The following AP5B1 variants were observed in gnomAD, a reference collection of about 807,000 sequenced individuals.
AP5B1 encodes AP-5 complex subunit beta-1.
In AP5B1, 3 loss-of-function variants were observed where a neutral mutation model predicts 5.7. That is an observed-to-expected ratio of 0.53 (90% CI 0.24 to 1.36). AP5B1 has a LOEUF of 1.36. Ranked by LOEUF, AP5B1 falls within the 40% of genes most tolerant of loss-of-function variation. The pLI, the probability that AP5B1 is intolerant of heterozygous loss-of-function variation, is 0.17. For missense variants in AP5B1, 1,310 were observed against 1,143.2 expected (o/e 1.15, Z -2.10); for synonymous variants, 696 against 555.5 (o/e 1.25, Z -3.56).
In AP5B1 at chr11:65,779,916, A is replaced by C. The variant is rs1346016417; in HGVS notation, c.577T>G (p.Leu193Val). 1.9e-6 allele frequency: 3 copies of C among 1,591,116 alleles called. No homozygotes were observed. Among genetic ancestry groups the C allele is most frequent in the Non-Finnish European group, 2.6e-6 (3 of 1,168,806 alleles). ...GACTGGAGCACCAAGGTGTTGCGCA[A>C]AGCGAGGGCCAGCAACAGGCTGAGT... Reference protein sequence around the residue: ...QPLSLLLALALRNTLVLQSRV... With the variant: ...QPLSLLLALAVRNTLVLQSRV... Residue 193 changes from leucine (L) to valine (V), a missense_variant, in exon 2 of 2, where the codon TTG becomes GTG. By Grantham distance (32) the Leu-to-Val change is conservative. Coordinates refer to ENST00000532090, the MANE Select transcript of AP5B1 (RefSeq NM_138368.5).
Position 65,779,601 on chromosome 11 carries a change from G to A in AP5B1, c.892C>T (p.Arg298Trp). 7 of 1,605,872 alleles carry A rather than the reference G, an allele frequency of 4.4e-6. No individual in the cohort carries two copies. The highest frequency in any genetic ancestry group is 5.9e-6 in the Non-Finnish European group (7 of 1,176,680). Residue 298 changes from arginine to tryptophan, a missense_variant, in exon 2 of 2, where the codon CGG becomes TGG. Arg to Trp is a moderately radical substitution (Grantham distance 101, BLOSUM62 -3). Transcript: ENST00000532090. The stretch of plus-strand genomic sequence containing the variant: ...GCCGGTGGCTGTCCCTGCAGACCCC[G>A]CAGGGCCCAGCCCAGCAGCCACAGG... ...QLLWLLGWAL[R>W]GLQGQPPALF...
chr11:65,778,891 A>G lies in AP5B1; in HGVS notation c.1602T>C (p.Asp534=). 1 of 1,611,206 alleles carries G rather than the reference A, an allele frequency of 6.2e-7. No individual in the cohort carries two copies. The highest frequency in any genetic ancestry group is 8.5e-7 in the Non-Finnish European group (1 of 1,178,880). The part of the protein sequence containing the change: ...RQVVVSRPGR[D]EALCWHLQML... The stretch of plus-strand genomic sequence containing the variant: ...TTTGCAGGTGCCAGCAAAGAGCTTC[A>G]TCCCTGCCCGGCCTGGACACCACCA... Residue 534 remains aspartate (D), a synonymous_variant, in exon 2 of 2, where the codon GAT becomes GAC. Coordinates refer to ENST00000532090, the MANE Select transcript of AP5B1 (RefSeq NM_138368.5).
In AP5B1 at chr11:65,777,920, G is replaced by C; in HGVS notation, c.2573C>G (p.Thr858Ser). The change falls in exon 2 of 2, where the codon ACC becomes AGC. Residue 858 changes from threonine (T) to serine (S), a missense_variant. Thr to Ser is a moderately conservative substitution (Grantham distance 58). Transcript: ENST00000532090. ...CAGGGGCAGCACGGCCCAGTCATCG[G>C]TCCGCAGGGCCACAGGCACTCCATC... ...LADGVPVALR[T>S]DDWAVLPLAG... 2 of 1,560,000 alleles carry C rather than the reference G, an allele frequency of 1.3e-6. No homozygotes were observed. The highest frequency in any genetic ancestry group is 2.3e-5 in the South Asian group (2 of 85,506).
rs1857842280 is a variant in AP5B1, at chr11:65,780,760, C to G, written c.-169G>C. On this transcript the variant is annotated 5_prime_UTR_variant, in exon 1 of 2. Transcript: ENST00000532090. The stretch of plus-strand genomic sequence containing the variant: ...ACGGTGAGACCAGGGCTCTCGGGGC[C>G]GACGCCAGAGCTGGGCGCCGGGGCC... 4 of 640,508 alleles carry G rather than the reference C, an allele frequency of 6.2e-6. No individual in the cohort carries two copies. The highest frequency in any genetic ancestry group is 8.9e-6 in the Non-Finnish European group (4 of 451,306). 39.7% of individuals were successfully genotyped at this position (640,508 alleles called of 1,614,324 possible).
rs1006091398 is a variant in AP5B1, at chr11:65,780,110, G to A, written c.383C>T (p.Ala128Val). The A allele has an allele frequency of 1.3e-6, 2 of 1,507,592 alleles. No homozygotes were observed. The highest frequency in any genetic ancestry group is 8.9e-7 in the Non-Finnish European group (1 of 1,127,266). The allele number at this position is 1,507,592 out of a possible 1,614,324, so 93.4% of individuals were successfully genotyped here. ...CRLLPLLLGL[A>V]AGSDLGRGFV... ...GCCTCGCCCCAGATCGCTACCCGCG[G>A]CCAGGCCGAGCAGTAGGGGCAGGAG... is the stretch of plus-strand genomic sequence containing the variant. Residue 128 changes from alanine (A) to valine (V), a missense_variant, in exon 2 of 2, where the codon GCC (alanine) becomes GTC (valine). Coordinates refer to ENST00000532090, the MANE Select transcript of AP5B1 (RefSeq NM_138368.5).
In AP5B1 at chr11:65,777,246, T is replaced by A. The variant is rs1857775145; in HGVS notation, c.*610A>T. On this transcript the variant is annotated 3_prime_UTR_variant, in exon 2 of 2. Coordinates refer to ENST00000532090, the MANE Select transcript of AP5B1 (RefSeq NM_138368.5). The stretch of plus-strand genomic sequence containing the variant: ...CCTCTCTGGGAAGCAGAAAGGAGAT[T>A]TTTCCCCTGCCTCCTGGGCAGAGAT... 1 of 152,234 alleles carries A rather than the reference T, an allele frequency of 6.6e-6. No homozygotes were observed. Among genetic ancestry groups the A allele is most frequent in the South Asian group, 2.1e-4 (1 of 4,822 alleles). The allele number at this position is 152,234 out of a possible 1,614,324, so 9.4% of individuals were successfully genotyped here.
Position 65,777,135 on chromosome 11 carries a change from AG to A in AP5B1, c.*720del, listed in dbSNP as rs1857773674. The A allele has an allele frequency of 6.6e-6, 1 of 152,278 alleles. No individual in the cohort carries two copies. Among genetic ancestry groups the A allele is most frequent in the South Asian group, 2.1e-4 (1 of 4,826 alleles). The allele number at this position is 152,278 out of a possible 1,614,324, so 9.4% of individuals were successfully genotyped here. A position where few individuals can be genotyped will look rare whatever the true frequency, so the allele number is the denominator to read the frequency against. ...TAACCCCTCCCCGAAAAAAAAAGAA[AG>A]AAAAGTACTGTCCAACAGGTCAGGT... On this transcript the variant is annotated 3_prime_UTR_variant, in exon 2 of 2. Coordinates refer to ENST00000532090, the MANE Select transcript of AP5B1 (RefSeq NM_138368.5).
At position 65,780,079 on chromosome 11, in the gene AP5B1, G is replaced by T; in HGVS notation, c.414C>A (p.Val138=). Residue 138 remains valine (V), a synonymous_variant, in exon 2 of 2, where the codon GTC becomes GTA. Coordinates refer to ENST00000532090, the MANE Select transcript of AP5B1 (RefSeq NM_138368.5). ...GCAAGGGGCGCTGTTCCGAGGCGGG[G>T]ACAAAGCCTCGCCCCAGATCGCTAC... The part of the protein sequence containing the change: ...AAGSDLGRGF[V]PASEQRPLQA... 2 of 1,541,558 alleles carry T rather than the reference G, an allele frequency of 1.3e-6. No homozygotes were observed. The highest frequency in any genetic ancestry group is 1.2e-5 in the South Asian group (1 of 83,724).
Position 65,777,253 on chromosome 11 carries a change from CT to C in AP5B1, c.*602del, listed in dbSNP as rs1857775311. ...GGGAAGCAGAAAGGAGATTTTTCCC[CT>C]GCCTCCTGGGCAGAGATTCTGGAGA... On this transcript the variant is annotated 3_prime_UTR_variant, in exon 2 of 2. Coordinates refer to ENST00000532090, the MANE Select transcript of AP5B1 (RefSeq NM_138368.5). 2 of 152,498 alleles carry C rather than the reference CT, an allele frequency of 1.3e-5. No homozygotes were observed. Among genetic ancestry groups the C allele is most frequent in the African/African-American group, 4.8e-5 (2 of 41,572 alleles). 9.4% of individuals were successfully genotyped at this position (152,498 alleles called of 1,614,324 possible).
At position 65,779,724 on chromosome 11, in the gene AP5B1, G is replaced by T; in HGVS notation, c.769C>A (p.Arg257=). 1 of 1,607,690 alleles carries T rather than the reference G, an allele frequency of 6.2e-7. No homozygotes were observed. Among genetic ancestry groups the T allele is most frequent in the Non-Finnish European group, 8.5e-7 (1 of 1,177,220 alleles). The change falls in exon 2 of 2, where the codon CGA becomes AGA. Residue 257 remains arginine (R), a synonymous_variant. Coordinates refer to ENST00000532090, the MANE Select transcript of AP5B1 (RefSeq NM_138368.5). ...EGEGERSLTA[R]EHSPEEAREL... ...CGCGCCTCCTCAGGGCTGTGCTCTCGTGCTGTAAGGCTACGCTCCCCCTCT... is the reference window on the plus strand; with the variant it reads ...CGCGCCTCCTCAGGGCTGTGCTCTCTTGCTGTAAGGCTACGCTCCCCCTCT...
In AP5B1 at chr11:65,774,617, C is replaced by T. The variant is rs1857744543; in HGVS notation, c.*3239G>A. Among the ~76,000 whole-genome samples, 1 of 152,272 alleles carries T rather than the reference C, an allele frequency of 6.6e-6. No individual in the cohort carries two copies. The highest frequency in any genetic ancestry group is 3.4e-3 in the Middle Eastern group (1 of 294). ...TAGAGACGGGTTTCACCATGTTGGCCAGGCTGGTCTCAAATTCTTCACCTC... is the reference window on the plus strand; with the variant it reads ...TAGAGACGGGTTTCACCATGTTGGCTAGGCTGGTCTCAAATTCTTCACCTC... On this transcript the variant is annotated 3_prime_UTR_variant, in exon 2 of 2. Coordinates refer to ENST00000532090, the MANE Select transcript of AP5B1 (RefSeq NM_138368.5).
In AP5B1 at chr11:65,779,648, G is replaced by A. The variant is rs1243957840; in HGVS notation, c.845C>T (p.Thr282Ile). The part of the protein sequence containing the change: ...IQLLDTSYLL[T>I]PVAQAQLLWL... ...CAGGAGCTGGGCCTGGGCCACAGGAGTGAGCAGATAGGAGGTGTCCAGAAG... is the reference window on the plus strand; with the variant it reads ...CAGGAGCTGGGCCTGGGCCACAGGAATGAGCAGATAGGAGGTGTCCAGAAG... The change falls in exon 2 of 2, where the codon ACT becomes ATT. Residue 282 changes from threonine to isoleucine, a missense_variant. Coordinates refer to ENST00000532090, the MANE Select transcript of AP5B1 (RefSeq NM_138368.5). The A allele has an allele frequency of 1.1e-5, 17 of 1,611,752 alleles. No individual in the cohort carries two copies. Among genetic ancestry groups the A allele is most frequent in the African/African-American group, 1.3e-5 (1 of 74,918 alleles).
In AP5B1 at chr11:65,780,123, G is replaced by A. The variant is rs1226590897; in HGVS notation, c.370C>T (p.Leu124=). 6 of 1,500,562 alleles carry A rather than the reference G, an allele frequency of 4.0e-6. No homozygotes were observed. In the Admixed American group the frequency reaches 6.9e-5, roughly 17 times the overall value. 93.0% of individuals were successfully genotyped at this position (1,500,562 alleles called of 1,614,324 possible). A position where few individuals can be genotyped will look rare whatever the true frequency, so the allele number is the denominator to read the frequency against. Residue 124 remains leucine (L), a synonymous_variant, in exon 2 of 2, where the codon CTG becomes TTG. Transcript: ENST00000532090. The stretch of plus-strand genomic sequence containing the variant: ...TCGCTACCCGCGGCCAGGCCGAGCA[G>A]TAGGGGCAGGAGCCGGCAGGAGGCG... The part of the protein sequence containing the change: ...SGASCRLLPL[L]LGLAAGSDLG...
Position 65,779,230 on chromosome 11 carries a change from C to G in AP5B1, c.1263G>C (p.Leu421=), listed in dbSNP as rs778009377. ...CCTCTTCTTCCTCCTCGGCACAGAG[C>G]AGGCACAGTAAATGCAGGCGGGCCA... ...ALLARLHLLC[L]LCAEEEEEEK... Residue 421 remains leucine (L), a synonymous_variant, in exon 2 of 2, where the codon CTG becomes CTC. Transcript: ENST00000532090. 2 of 1,598,584 alleles carry G rather than the reference C, an allele frequency of 1.3e-6. No homozygotes were observed. Among genetic ancestry groups the G allele is most frequent in the Non-Finnish European group, 1.7e-6 (2 of 1,171,750 alleles).
Position 65,780,293 on chromosome 11 carries a change from T to C in AP5B1, c.200A>G (p.Asp67Gly), listed in dbSNP as rs1857833993. The C allele has an allele frequency of 6.7e-7, 1 of 1,499,686 alleles. No individual in the cohort carries two copies. The highest frequency in any genetic ancestry group is 2.4e-5 in the Admixed American group (1 of 41,510). 92.9% of individuals were successfully genotyped at this position (1,499,686 alleles called of 1,614,324 possible). ...SMEYPAQLWP[D>G]ASAAEVAATS... is the part of the protein sequence containing the mutation. ...GGCGGCCACTTCGGCCGCAGAGGCG[T>C]CGGGCCACAGCTGCGCAGGGTACTC... The change falls in exon 2 of 2, where the codon GAC (aspartate) becomes GGC (glycine). Residue 67 changes from aspartate (D) to glycine (G), a missense_variant. Asp to Gly is a moderately conservative substitution (Grantham distance 94). Transcript: ENST00000532090.
rs1857749488 is a variant in AP5B1, at chr11:65,775,148, C to G, written c.*2708G>C. 6.6e-6 allele frequency among the ~76,000 whole-genome samples: 1 copy of G among 152,162 alleles called. No individual in the cohort carries two copies. Among genetic ancestry groups the G allele is most frequent in the African/African-American group, 2.4e-5 (1 of 41,438 alleles). ...TAGCATGTATCCCAGAGAATTGTCC[C>G]ATGGGTCCATAGGGGCATATAAGAA... On this transcript the variant is annotated 3_prime_UTR_variant, in exon 2 of 2. Transcript: ENST00000532090.
In AP5B1 at chr11:65,779,155, A is replaced by C; in HGVS notation, c.1338T>G (p.Ala446=). 1 of 1,611,536 alleles carries C rather than the reference A, an allele frequency of 6.2e-7. No individual in the cohort carries two copies. Among genetic ancestry groups the C allele is most frequent in the Non-Finnish European group, 8.5e-7 (1 of 1,179,326 alleles). The change falls in exon 2 of 2, where the codon GCT becomes GCG. Residue 446 remains alanine (A), a synonymous_variant. Coordinates refer to ENST00000532090, the MANE Select transcript of AP5B1 (RefSeq NM_138368.5). ...CCAGGGCTGCCCGCTGCCGCAAGCC[A>C]GCCAGCAGCTCTTCCAGGTAGTGCC... is the stretch of plus-strand genomic sequence containing the variant. The part of the protein sequence containing the change: ...SPRHYLEELL[A]GLRQRAALDG...
chr11:65,780,214 A>G lies in AP5B1; in HGVS notation c.279T>C (p.Arg93=). The change falls in exon 2 of 2, where the codon CGT becomes CGC. Residue 93 remains arginine, a synonymous_variant. Coordinates refer to ENST00000532090, the MANE Select transcript of AP5B1 (RefSeq NM_138368.5). The part of the protein sequence containing the change: ...VLLPPRPSAL[R]RPLLLAATTA... ...TGGTGGCCGCCAGCAGCAGTGGCCGACGGAGAGCTGAGGGCCGCGGGGGTA... is the reference window on the plus strand; with the variant it reads ...TGGTGGCCGCCAGCAGCAGTGGCCGGCGGAGAGCTGAGGGCCGCGGGGGTA... 2.7e-6 allele frequency: 4 copies of G among 1,506,922 alleles called. No individual in the cohort carries two copies. The South Asian group carries it at 5.2e-5, about 19-fold the overall frequency. The allele number at this position is 1,506,922 out of a possible 1,614,324, so 93.3% of individuals were successfully genotyped here.
At position 65,780,522 on chromosome 11, in the gene AP5B1, T is replaced by G; in HGVS notation, c.70A>C (p.Met24Leu). Residue 24 changes from methionine to leucine, a missense_variant, in exon 1 of 2, where the codon ATG (methionine) becomes CTG (leucine). Physicochemically the swap from Met to Leu is conservative, Grantham distance 15. Transcript: ENST00000532090. Reference protein sequence around the residue: ...GAFRASPSAFMAGPEGEDLGR... With the variant: ...GAFRASPSAFLAGPEGEDLGR... ...AAATCCTCCCCCTCGGGACCTGCCA[T>G]GAAGGCAGACGGGCTGGCCCGGAAG... is the stretch of plus-strand genomic sequence containing the variant. 2.0e-6 allele frequency: 3 copies of G among 1,516,660 alleles called. No individual in the cohort carries two copies. Among genetic ancestry groups the G allele is most frequent in the Non-Finnish European group, 2.6e-6 (3 of 1,139,014 alleles). 94.0% of individuals were successfully genotyped at this position (1,516,660 alleles called of 1,614,324 possible). A position where few individuals can be genotyped will look rare whatever the true frequency, so the allele number is the denominator to read the frequency against.
Sources: allele counts gnomAD v4.1 joint callset (sites outside exome capture counted in the v4.1 genomes callset), GRCh38; gene constraint gnomAD v4.1.1; transcripts MANE v1.5; gene names NCBI Gene and HGNC (gene_info 2026-07-23, HGNC 2026-07-21).